ABLIM2: variants seen among roughly 807,000 people sequenced by gnomAD.
The protein encoded by ABLIM2 is actin-binding LIM protein 2.
Under a neutral mutation model 97.7 loss-of-function variants are expected in ABLIM2, and 53 were observed. The observed-to-expected ratio is 0.54, with a 90% CI of 0.44 to 0.68. ABLIM2 has a LOEUF of 0.68. ABLIM2 is among the 30% of genes least tolerant of loss of function. ABLIM2 has a pLI of 0.00. For synonymous variants in ABLIM2, 361 were observed against 345.8 expected (o/e 1.04, Z -0.49); for missense variants, 835 against 867.2 (o/e 0.96, Z 0.47).
chr4:8,114,364 C>T (rs989524294), intron 1 of ABLIM2, among the ~76,000 whole-genome samples: 1 of 152,204 alleles, frequency 6.6e-6, no homozygotes, highest in African/African-American at 2.4e-5. Context: ...CGTACAGGCA[C>T]GCACACTTTG....
rs975022172 is a variant in ABLIM2 at position 8,083,986 on chromosome 4, G to C, written c.455-3184C>G. ...CTCAGCTGGAGCTCAGGGGGTGCAG[G>C]TGCAGGAGCCAGACCCCCTCTGCAG... On this transcript the variant is annotated intron_variant, in intron 4 of 20. Transcript: ENST00000447017. This position sits in a 1 kb window ranked among gnomAD's most constrained non-coding sequence, Gnocchi z 4.6. 1.3e-5 allele frequency among the ~76,000 whole-genome samples: 2 copies of C among 152,072 alleles called. No individual in the cohort carries two copies. Among genetic ancestry groups the C allele is most frequent in the Admixed American group, 1.3e-4 (2 of 15,266 alleles).
intron 7 of ABLIM2, among the ~76,000 whole-genome samples, chr4:8,056,776 C>T (rs1262692687): frequency 6.6e-6 from 1 of 151,236 alleles, no homozygotes; most frequent in Non-Finnish European, 1.5e-5. Flanking sequence ...ACTAAAAATA[C>T]AAAAAATTAG....
rs1312982374 is a variant in ABLIM2 at position 8,083,354 on chromosome 4, G to T, written c.455-2552C>A. On this transcript the variant is annotated intron_variant, in intron 4 of 20. Transcript: ENST00000447017. This position sits in a 1 kb window ranked among gnomAD's most constrained non-coding sequence, Gnocchi z 4.6. ...GCACACACGTTGACCGGTGAGGTGG[G>T]CCCACCTCTGCTCTCACTGCCACTG... 6.6e-6 allele frequency among the ~76,000 whole-genome samples: 1 copy of T among 152,154 alleles called. No individual in the cohort carries two copies. Among genetic ancestry groups the T allele is most frequent in the Non-Finnish European group, 1.5e-5 (1 of 68,014 alleles).
Position 8,061,229 on chromosome 4 carries a change from C to A in ABLIM2, c.676-175G>T, listed in dbSNP as rs559914191. On this transcript the variant is annotated intron_variant, in intron 6 of 20. Transcript: ENST00000447017. This position sits in a 1 kb window ranked among gnomAD's most constrained non-coding sequence, Gnocchi z 4.5. ...TGAGCAGAGCCCAGACCCGGGGGTG[C>A]CCCCGGGCTGTCCAAGGCGCCCTGT... Among the ~76,000 whole-genome samples, 4 of 152,036 alleles carry A rather than the reference C, an allele frequency of 2.6e-5. No homozygotes were observed. The highest frequency in any genetic ancestry group is 1.9e-4 in the East Asian group (1 of 5,154).
At chr4:8,038,168 T>C (rs543039942) in intron 9 of ABLIM2, among the ~76,000 whole-genome samples, 1 of 152,018 alleles carries the variant, frequency 6.6e-6, no homozygotes, top group African/African-American at 2.4e-5. Flanking sequence ...CAAAACACAA[T>C]GATGCCACAA....
chr4:7,990,472 A>C (rs1747796687), intron 17 of ABLIM2, among the ~76,000 whole-genome samples: 1 of 152,146 alleles, frequency 6.6e-6, no homozygotes, highest in South Asian at 2.1e-4. Flanking sequence ...AGGTATGAGC[A>C]ACCACGCCCC....
chr4:8,145,712 C>T (rs997359687), intron 1 of ABLIM2, among the ~76,000 whole-genome samples: 13 of 150,070 alleles, frequency 8.7e-5, no homozygotes, highest in Admixed American at 1.3e-4. Flanking sequence ...CTTTTATAAC[C>T]GTAGACTAAA....
rs903555206 is a variant in ABLIM2 at position 8,112,850 on chromosome 4, C to T, written c.11-6213G>A. 1.3e-5 allele frequency among the ~76,000 whole-genome samples: 2 copies of T among 152,204 alleles called. No homozygotes were observed. Among genetic ancestry groups the T allele is most frequent in the East Asian group, 3.9e-4 (2 of 5,192 alleles). ...GTGTGTCCGAGGCTCCTCCTCCCAC[C>T]CCTTCCATCACCTGCTGGGCTGCAA... On this transcript the variant is annotated intron_variant, in intron 1 of 20. Coordinates refer to ENST00000447017, the MANE Select transcript of ABLIM2 (RefSeq NM_001130083.2). The surrounding 1 kb of genome is among the most constrained non-coding windows in gnomAD (Gnocchi z 4.2).
At position 8,036,154 on chromosome 4, in the gene ABLIM2, C is replaced by T. The variant is rs779669855; in HGVS notation, c.1042G>A (p.Gly348Ser). The change falls in exon 10 of 21, where the codon GGC becomes AGC. Residue 348 changes from glycine (G) to serine (S), a missense_variant. By Grantham distance (56) the Gly-to-Ser change is moderately conservative (BLOSUM62 0). Coordinates refer to ENST00000447017, the MANE Select transcript of ABLIM2 (RefSeq NM_001130083.2). ...CATGTGGGCAGGGTCCATACCTCGC[C>T]GTAGCTCTGCCTGTCCCCTGCAGAG... ...SHSAGDRQSY[G>S]EGDQDDRSYK... 2.1e-5 allele frequency: 34 copies of T among 1,613,626 alleles called. 1 individual carries two copies. Among genetic ancestry groups the T allele is most frequent in the Middle Eastern group, 3.3e-4 (2 of 6,074 alleles).
intron 1 of ABLIM2, among the ~76,000 whole-genome samples, chr4:8,110,069 C>T (rs1424882404): frequency 6.6e-6 from 1 of 152,246 alleles, no homozygotes; most frequent in Non-Finnish European, 1.5e-5. Context: ...GTGGACTGAA[C>T]TTCAAATGGT....
chr4:7,973,274 G>A (rs531525513), intron 20 of ABLIM2, among the ~76,000 whole-genome samples: 69 of 152,192 alleles, frequency 4.5e-4, no homozygotes, highest in African/African-American at 1.1e-3. Context: ...AGTTTGGGGG[G>A]CTGAGACGGG....
Position 8,082,810 on chromosome 4 carries a change from G to A in ABLIM2, c.455-2008C>T, listed in dbSNP as rs977991018. The stretch of plus-strand genomic sequence containing the variant: ...TCCGCCCTTCTCAAGTCCAGGAGGC[G>A]ACCCCCACATCACCCAATCTGCCGC... On this transcript the variant is annotated intron_variant, in intron 4 of 20. Transcript: ENST00000447017. This position sits in a 1 kb window ranked among gnomAD's most constrained non-coding sequence, Gnocchi z 5.6. Among the ~76,000 whole-genome samples the A allele has an allele frequency of 7.2e-5, 11 of 152,148 alleles. No homozygotes were observed. Among genetic ancestry groups the A allele is most frequent in the South Asian group, 2.1e-4 (1 of 4,824 alleles).
chr4:8,032,034 T>C lies in ABLIM2; in HGVS notation c.1048-2258A>G, dbSNP rs1267738681. Among the ~76,000 whole-genome samples, 1 of 151,988 alleles carries C rather than the reference T, an allele frequency of 6.6e-6. No homozygotes were observed. The highest frequency in any genetic ancestry group is 6.6e-5 in the Admixed American group (1 of 15,264). On this transcript the variant is annotated intron_variant, in intron 10 of 20. Transcript: ENST00000447017. This position sits in a 1 kb window ranked among gnomAD's most constrained non-coding sequence, Gnocchi z 4.3. The stretch of plus-strand genomic sequence containing the variant: ...GAGCCACCACGCCCAGCCTATGAAA[T>C]GTTTACAATGGCATCAAGCACAGGG...
rs1406613674 is a variant in ABLIM2, at chr4:8,023,330, T to C, written c.1268-3027A>G. Among the ~76,000 whole-genome samples, 3 of 152,214 alleles carry C rather than the reference T, an allele frequency of 2.0e-5. No homozygotes were observed. Among genetic ancestry groups the C allele is most frequent in the African/African-American group, 4.8e-5 (2 of 41,458 alleles). ...GTTCTGTCGGCACGTCTCCCAAGGCTCCTCTCGGCTGCGACCTTTTGCAGA... is the reference window on the plus strand; with the variant it reads ...GTTCTGTCGGCACGTCTCCCAAGGCCCCTCTCGGCTGCGACCTTTTGCAGA... On this transcript the variant is annotated intron_variant, in intron 12 of 20. Transcript: ENST00000447017. This position sits in a 1 kb window ranked among gnomAD's most constrained non-coding sequence, Gnocchi z 5.7.
At chr4:8,090,123 T>A (rs13136604) in intron 3 of ABLIM2, among the ~76,000 whole-genome samples, 11 of 151,972 alleles carry the variant, frequency 7.2e-5, no homozygotes, top group Non-Finnish European at 1.2e-4. Flanking sequence ...GGCCCTCCCC[T>A]CCCATCCACT....
chr4:8,080,677 T>G lies in ABLIM2; in HGVS notation c.580A>C (p.Lys194Gln), dbSNP rs1288190877. The change falls in exon 5 of 21, where the codon AAG (lysine) becomes CAG (glutamine). Residue 194 changes from lysine to glutamine, a missense_variant and splice_region_variant. Lys to Gln is a moderately conservative substitution (Grantham distance 53). Transcript: ENST00000447017. The part of the protein sequence containing the change: ...GKLLNAEYIS[K>Q]DGLPYCEADY... ...CACTAGAGCCCTCCCCCCACTTACTTGCTGATGTACTCGGCATTCAGGAGC... is the reference window on the plus strand; with the variant it reads ...CACTAGAGCCCTCCCCCCACTTACTGGCTGATGTACTCGGCATTCAGGAGC... The G allele has an allele frequency of 2.1e-5, 34 of 1,602,358 alleles. No individual in the cohort carries two copies. Among genetic ancestry groups the G allele is most frequent in the Non-Finnish European group, 2.6e-5 (31 of 1,172,234 alleles).
At chr4:8,153,724 C>G (rs549375709) in intron 1 of ABLIM2, among the ~76,000 whole-genome samples, 1 of 148,246 alleles carries the variant, frequency 6.7e-6, no homozygotes, top group African/African-American at 2.6e-5. Flanking sequence ...AGAGTGTGCT[C>G]TCTTCTTTCC....
chr4:8,090,546 C>A (rs962838067), intron 3 of ABLIM2, among the ~76,000 whole-genome samples: 4 of 152,092 alleles, frequency 2.6e-5, no homozygotes, highest in African/African-American at 7.2e-5. Flanking sequence ...ACTGCCACCA[C>A]CACAGTCATG....
intron 17 of ABLIM2, among the ~76,000 whole-genome samples, chr4:7,991,562 A>T (rs376081990): frequency 6.6e-6 from 1 of 152,232 alleles, no homozygotes; most frequent in Non-Finnish European, 1.5e-5. Context: ...TCCTGTGGAC[A>T]TTGGTCCAGC....
Sources: allele counts gnomAD v4.1 joint callset (sites outside exome capture counted in the v4.1 genomes callset), GRCh38; gene constraint gnomAD v4.1.1; non-coding constraint Gnocchi (gnomAD v3.1); transcripts MANE v1.5; gene names NCBI Gene and HGNC (gene_info 2026-07-23, HGNC 2026-07-21).